The following NBEAL1 variants were observed in gnomAD, a reference collection of about 807,000 sequenced individuals.
NBEAL1 encodes the protein neurobeachin-like protein 1.
In NBEAL1, 273 loss-of-function variants were observed where a neutral mutation model predicts 351.3. The observed-to-expected ratio is 0.78, with a 90% CI of 0.70 to 0.86. The LOEUF (loss-of-function observed/expected upper bound fraction) is 0.86, where lower values mean the gene tolerates loss of function less well. Among genes scored for constraint, NBEAL1 ranks in the 40% least tolerant of loss-of-function variants. The pLI is 0.00. For missense variants in NBEAL1, 2,961 were observed against 3,201.3 expected (o/e 0.92, Z 1.81); for synonymous variants, 1,050 against 1,086.4 (o/e 0.97, Z 0.66).
At chr2:203,140,447 G>A (rs111440686) in intron 31 of NBEAL1, among the ~76,000 whole-genome samples, 13 of 151,648 alleles carry the variant, frequency 8.6e-5, no homozygotes, top group South Asian at 2.1e-4. Flanking sequence ...TCATGTTTTC[G>A]GATGATTTGT....
At chr2:203,138,845 T>A in intron 31 of NBEAL1, 97 bp downstream of exon 31, 2 of 1,241,646 alleles carry the variant, frequency 1.6e-6, no homozygotes, top group Non-Finnish European at 1.1e-6. Flanking sequence ...GTATTTTAAG[T>A]TTTTCATTAG....
chr2:203,123,242 T>G (rs2062866356), intron 19 of NBEAL1, among the ~76,000 whole-genome samples: 1 of 151,966 alleles, frequency 6.6e-6, no homozygotes, highest in Admixed American at 6.5e-5. Flanking sequence ...AATTAATCTA[T>G]CAATTAGTGT....
At chr2:203,068,602 C>G in intron 7 of NBEAL1, 127 bp downstream of exon 7, 1 of 500,712 alleles carries the variant, frequency 2.0e-6, no homozygotes, top group Admixed American at 3.6e-5. Context: ...AAGAACATGT[C>G]ACTGGAGTAA....
At chr2:203,112,397 G>C (rs931787413) in intron 16 of NBEAL1, among the ~76,000 whole-genome samples, 1 of 152,186 alleles carries the variant, frequency 6.6e-6, no homozygotes, top group Non-Finnish European at 1.5e-5. Flanking sequence ...TTTAATAAAA[G>C]CTCTCTAAGT....
intron 8 of NBEAL1, among the ~76,000 whole-genome samples, chr2:203,078,759 G>C (rs901221292): frequency 2.0e-5 from 3 of 152,124 alleles, no homozygotes; most frequent in Non-Finnish European, 4.4e-5. Flanking sequence ...CCTAACACTT[G>C]TACTTTTTAT....
Position 203,197,359 on chromosome 2 carries a change from T to G in NBEAL1, c.7096T>G (p.Ser2366Ala). The stretch of plus-strand genomic sequence containing the variant: ...CACCATCCCCAAAAATCAGTATCGT[T>G]CTTTTATGTCTCAAGGCAGCCCTGA... ...KATIPKNQYRSFMSQGSPELL... is the reference protein window; with the variant it reads ...KATIPKNQYRAFMSQGSPELL... The change falls in exon 48 of 56, where the codon TCT becomes GCT. Residue 2366 changes from serine (S) to alanine (A), a missense_variant. Physicochemically the swap from Ser to Ala is moderately conservative, Grantham distance 99. Coordinates refer to ENST00000683969, the MANE Select transcript of NBEAL1 (RefSeq NM_001378026.1). The G allele has an allele frequency of 6.2e-7, 1 of 1,604,074 alleles. No individual in the cohort carries two copies. Among genetic ancestry groups the G allele is most frequent in the Non-Finnish European group, 8.5e-7 (1 of 1,170,826 alleles).
intron 9 of NBEAL1, 52 bp downstream of exon 9, chr2:203,083,577 T>G: frequency 7.4e-7 from 1 of 1,342,378 alleles, no homozygotes; most frequent in Non-Finnish European, 1.0e-6. Context: ...TATTTTCATA[T>G]CTACCACTTT....
intron 10 of NBEAL1, among the ~76,000 whole-genome samples, chr2:203,088,086 T>C (rs1251276704): frequency 6.6e-6 from 1 of 152,232 alleles, no homozygotes; most frequent in African/African-American, 2.4e-5. Flanking sequence ...AGCTAGTATT[T>C]TATAATCGAA....
chr2:203,113,570 G>A (rs1441952881), intron 17 of NBEAL1, among the ~76,000 whole-genome samples: 1 of 151,844 alleles, frequency 6.6e-6, no homozygotes, highest in Non-Finnish European at 1.5e-5. Flanking sequence ...CCATAATACT[G>A]CCTGTATTTG....
chr2:203,058,588 A>G (rs919007771), intron 6 of NBEAL1, among the ~76,000 whole-genome samples: 1 of 152,216 alleles, frequency 6.6e-6, no homozygotes, highest in African/African-American at 2.4e-5. Context: ...CAAGAGGCTC[A>G]TTCTGGGATT....
At chr2:203,157,846 T>C in intron 36 of NBEAL1, 21 bp downstream of exon 36, 1 of 1,481,786 alleles carries the variant, frequency 6.7e-7, no homozygotes, top group African/African-American at 1.4e-5. Context: ...ATATTTAAAA[T>C]TATTTTGTTC....
intron 6 of NBEAL1, among the ~76,000 whole-genome samples, chr2:203,060,545 C>T (rs964953980): frequency 5.3e-5 from 8 of 152,044 alleles, no homozygotes; most frequent in Admixed American, 1.3e-4. Context: ...ACCCAGAGAT[C>T]CAACACACTT....
At chr2:203,141,035 A>G (rs1206209867) in intron 31 of NBEAL1, among the ~76,000 whole-genome samples, 2 of 151,892 alleles carry the variant, frequency 1.3e-5, no homozygotes, top group East Asian at 3.8e-4. Context: ...CTTTATACAC[A>G]TAGATGTTCA....
At chr2:203,081,190 A>G (rs1003081223) in intron 8 of NBEAL1, among the ~76,000 whole-genome samples, 14 of 152,220 alleles carry the variant, frequency 9.2e-5, no homozygotes, top group Non-Finnish European at 7.3e-5. Flanking sequence ...AAGAATGGTC[A>G]TGTCATAAAG....
At chr2:203,154,142 A>AGGAGAATGGCATGAACCCGGGAGGC (rs796554152) in intron 35 of NBEAL1, among the ~76,000 whole-genome samples, 5,093 of 151,434 alleles carry the variant, frequency 0.034, 292 homozygotes, top group African/African-American at 0.12. Flanking sequence ...AGGCTGAGGC[A>AGGAGAATGGCATGAACCCGGGAGGC]GGAGAATGGC....
chr2:203,216,817 T>TGA (rs148494714), intron 55 of NBEAL1, among the ~76,000 whole-genome samples: 3 of 151,886 alleles, frequency 2.0e-5, no homozygotes, highest in Non-Finnish European at 4.4e-5. Context: ...TGTGTGTGTA[T>TGA]GAGAGAGAGA....
Position 203,222,915 on chromosome 2 carries a change from C to T in NBEAL1, c.*5561C>T, listed in dbSNP as rs2065966978. On this transcript the variant is annotated 3_prime_UTR_variant, in exon 56 of 56. Coordinates refer to ENST00000683969, the MANE Select transcript of NBEAL1 (RefSeq NM_001378026.1). ...GGTATAACAGAGAAGAACGCATTAA[C>T]ATTTAAGATGTTTAATTCCAAATAG... 6.6e-6 allele frequency among the ~76,000 whole-genome samples: 1 copy of T among 152,074 alleles called. No homozygotes were observed. The highest frequency in any genetic ancestry group is 2.1e-4 in the South Asian group (1 of 4,828).
chr2:203,191,042 C>G (rs1197655577), intron 46 of NBEAL1: 4 of 1,600,084 alleles, frequency 2.5e-6, no homozygotes, highest in Non-Finnish European at 3.4e-6. Context: ...CTCAAGGAAC[C>G]ACCAAGAGAC....
chr2:203,224,468 A>C lies in NBEAL1; in HGVS notation c.*7114A>C, dbSNP rs2065987194. ...AAAAATGAATCTACTGAGGCATAAA[A>C]ATATGAAACATATTTAATTCATCTC... On this transcript the variant is annotated 3_prime_UTR_variant, in exon 56 of 56. Coordinates refer to ENST00000683969, the MANE Select transcript of NBEAL1 (RefSeq NM_001378026.1). 1.3e-5 allele frequency among the ~76,000 whole-genome samples: 2 copies of C among 152,160 alleles called. No homozygotes were observed. Among genetic ancestry groups the C allele is most frequent in the Admixed American group, 1.3e-4 (2 of 15,268 alleles).
Sources: allele counts gnomAD v4.1 joint callset (sites outside exome capture counted in the v4.1 genomes callset), GRCh38; gene constraint gnomAD v4.1.1; transcripts MANE v1.5; gene names NCBI Gene and HGNC (gene_info 2026-07-23, HGNC 2026-07-21).